The following IQCM variants were observed in gnomAD, a reference collection of about 807,000 sequenced individuals.
IQCM encodes the protein IQ domain-containing protein M.
IQCM carries 45 observed loss-of-function variants against 57.6 expected under a neutral mutation model. That is an observed-to-expected ratio of 0.78 (90% CI 0.62 to 1.00). The LOEUF (loss-of-function observed/expected upper bound fraction) is 1.00. IQCM is among the 50% of genes least tolerant of loss of function. The probability of loss-of-function intolerance (pLI) is 0.00; values close to 1 mark genes in which losing one functional copy is unlikely to be tolerated. For missense variants in IQCM, 468 were observed against 511.6 expected, an observed-to-expected ratio of 0.91 and a Z score of 0.82; for synonymous variants, 148 against 158.9, an observed-to-expected ratio of 0.93 and a Z score of 0.51.
At chr4:149,594,269 T>C (rs905985220) in intron 8 of IQCM, among the ~76,000 whole-genome samples, 13 of 152,334 alleles carry the variant, frequency 8.5e-5, no homozygotes, top group Admixed American at 5.2e-4. Flanking sequence ...TATTCTCTGA[T>C]GGCAGTCTGT....
At chr4:149,804,801 T>C (rs1378475014) in intron 2 of IQCM, among the ~76,000 whole-genome samples, 1 of 152,090 alleles carries the variant, frequency 6.6e-6, no homozygotes, top group Non-Finnish European at 1.5e-5. Flanking sequence ...ATTTCTCACT[T>C]TAATACATGA....
chr4:149,643,219 C>T (rs1365347774), intron 7 of IQCM, among the ~76,000 whole-genome samples: 2 of 152,122 alleles, frequency 1.3e-5, no homozygotes, highest in Non-Finnish European at 2.9e-5. Flanking sequence ...GTATTTATTT[C>T]ATATTTATTA....
At position 149,769,304 on chromosome 4, in the gene IQCM, C is replaced by G. The variant is rs1205753067; in HGVS notation, c.-48-26565G>C. On this transcript the variant is annotated intron_variant, in intron 2 of 13. Transcript: ENST00000636793. ...ATATTCAACTGCCTGCTGGACATAT[C>G]CGCCCCCAAGGTAGTCCATCAGGAA... Among the ~76,000 whole-genome samples the G allele has an allele frequency of 7.2e-5, 11 of 152,118 alleles. No individual in the cohort carries two copies. In the East Asian group the frequency reaches 2.1e-3, roughly 29 times the overall value.
chr4:149,486,653 G>A (rs1352478209), intron 12 of IQCM, among the ~76,000 whole-genome samples: 1 of 152,196 alleles, frequency 6.6e-6, no homozygotes, highest in Non-Finnish European at 1.5e-5. Context: ...GGCTGAGGCA[G>A]GAGAATCACT....
intron 7 of IQCM, among the ~76,000 whole-genome samples, chr4:149,678,379 T>C (rs1761925846): frequency 6.6e-6 from 1 of 151,852 alleles, no homozygotes; most frequent in Non-Finnish European, 1.5e-5. Context: ...AATAACATTT[T>C]CAAAGTGCTG....
At chr4:149,653,294 T>C (rs1472262642) in intron 7 of IQCM, among the ~76,000 whole-genome samples, 1 of 152,104 alleles carries the variant, frequency 6.6e-6, no homozygotes, top group Non-Finnish European at 1.5e-5. Flanking sequence ...CCTTATCCCA[T>C]CAGACTCTCT....
intron 12 of IQCM, among the ~76,000 whole-genome samples, chr4:149,461,892 A>G (rs952407721): frequency 6.6e-6 from 1 of 151,950 alleles, no homozygotes; most frequent in African/African-American, 2.4e-5. Context: ...ATCATTTTCA[A>G]CAGAAGAAAT....
At chr4:149,398,319 T>A (rs1208498099) in intron 13 of IQCM, among the ~76,000 whole-genome samples, 2 of 152,078 alleles carry the variant, frequency 1.3e-5, no homozygotes, top group African/African-American at 4.8e-5. Flanking sequence ...TCTAGATTTC[T>A]TTCTCAAGAT....
At chr4:149,743,819 CAAAT>C (rs948419578) in intron 2 of IQCM, among the ~76,000 whole-genome samples, 2 of 152,168 alleles carry the variant, frequency 1.3e-5, no homozygotes, top group Non-Finnish European at 2.9e-5. Context: ...CAAAATGCAT[CAAAT>C]GTTACCTCTA....
intron 10 of IQCM, 94 bp from the exon 11 acceptor site, chr4:149,553,381 G>A: frequency 1.0e-6 from 1 of 990,594 alleles, no homozygotes; most frequent in Non-Finnish European, 1.3e-6. Context: ...TAGTTTCTAA[G>A]ATTATGGGTG....
At chr4:149,738,093 T>A (rs1389227171) in intron 3 of IQCM, among the ~76,000 whole-genome samples, 1 of 152,172 alleles carries the variant, frequency 6.6e-6, no homozygotes, top group Non-Finnish European at 1.5e-5. Context: ...TAGTCTTCAT[T>A]TATAGGCAAA....
At chr4:149,583,639 C>T (rs548529735) in intron 9 of IQCM, among the ~76,000 whole-genome samples, 6 of 151,442 alleles carry the variant, frequency 4.0e-5, no homozygotes, top group South Asian at 2.1e-4. Context: ...TTAAGGAAAA[C>T]GTAGACTTTT....
intron 12 of IQCM, among the ~76,000 whole-genome samples, chr4:149,491,424 C>A (rs1430768654): frequency 1.3e-5 from 2 of 152,026 alleles, no homozygotes; most frequent in Admixed American, 6.6e-5. Context: ...CAACCCGCAA[C>A]CCTCAGCCCC....
chr4:149,464,964 T>C (rs1474207962), intron 12 of IQCM, among the ~76,000 whole-genome samples: 1 of 152,198 alleles, frequency 6.6e-6, no homozygotes, highest in East Asian at 1.9e-4. Context: ...GAAGTCTAGA[T>C]GAAGAGTGTG....
chr4:149,608,193 G>A (rs1754969341), intron 8 of IQCM, among the ~76,000 whole-genome samples: 1 of 151,840 alleles, frequency 6.6e-6, no homozygotes, highest in South Asian at 2.1e-4. Context: ...TGGTAGAGGA[G>A]ACAATACAGC....
intron 12 of IQCM, among the ~76,000 whole-genome samples, chr4:149,478,341 T>C (rs929789516): frequency 2.6e-5 from 4 of 152,152 alleles, no homozygotes; most frequent in Non-Finnish European, 5.9e-5. Flanking sequence ...AGACTGTTGA[T>C]TGTAGATATC....
At chr4:149,723,113 T>C (rs958909493) in intron 5 of IQCM, among the ~76,000 whole-genome samples, 1 of 152,096 alleles carries the variant, frequency 6.6e-6, no homozygotes, top group Non-Finnish European at 1.5e-5. Context: ...ATAGCAGTGC[T>C]ACCGATTTGT....
chr4:149,685,010 G>A (rs1160911963), intron 6 of IQCM, among the ~76,000 whole-genome samples: 1 of 151,398 alleles, frequency 6.6e-6, no homozygotes. Flanking sequence ...CAGGAAGTTA[G>A]GGTGTCAAGG....
At chr4:149,620,779 T>C (rs1310210605) in intron 8 of IQCM, among the ~76,000 whole-genome samples, 1 of 152,194 alleles carries the variant, frequency 6.6e-6, no homozygotes, top group Non-Finnish European at 1.5e-5. Context: ...ATGTCTACAT[T>C]CTACATTCTC....
Sources: gnomAD v4.1 joint callset for allele counts (sites outside exome capture counted in the v4.1 genomes callset) on GRCh38, gnomAD v4.1.1 for gene constraint, MANE v1.5 for transcripts, NCBI Gene and HGNC (gene_info 2026-07-23, HGNC 2026-07-21) for gene names.